The following TBKBP1 variants were observed in gnomAD, a reference collection of about 807,000 sequenced individuals.
TBKBP1 encodes TANK-binding kinase 1-binding protein 1.
Under a neutral mutation model 69.9 loss-of-function variants are expected in TBKBP1, and 47 were observed. The observed-to-expected ratio is 0.67, with a 90% confidence interval of 0.53 to 0.86. TBKBP1 has a LOEUF of 0.86. TBKBP1 is among the 40% of genes least tolerant of loss of function. The pLI, the probability that TBKBP1 is intolerant of heterozygous loss-of-function variation, is 0.00. For synonymous variants in TBKBP1, 418 were observed against 390.3 expected (o/e 1.07, Z -0.84); for missense variants, 831 against 858.6 (o/e 0.97, Z 0.40).
chr17:47,706,666 T>C (rs2031706295), intron 7 of TBKBP1, among the ~76,000 whole-genome samples: 1 of 152,108 alleles, frequency 6.6e-6, no homozygotes, highest in African/African-American at 2.4e-5. Context: ...GGGTTAAAAA[T>C]AGTCTTGTGG....
chr17:47,709,384 A>C lies in TBKBP1; in HGVS notation c.1651A>C (p.Ile551Leu). ...CGCCTCCTTCTGCGCGGGCTTCCCC[A>C]TCCCCGAGTCGCCCGCCGCCACCGC... ...RCASFCAGFP[I>L]PESPAATAYA... Residue 551 changes from isoleucine (I) to leucine (L), a missense_variant, in exon 9 of 10, where the codon ATC (isoleucine) becomes CTC (leucine). Ile to Leu is a conservative substitution (Grantham distance 5). Transcript: ENST00000578982. 1 of 1,530,870 alleles carries C rather than the reference A, an allele frequency of 6.5e-7. No homozygotes were observed. Among genetic ancestry groups the C allele is most frequent in the Non-Finnish European group, 8.7e-7 (1 of 1,146,176 alleles). The allele number at this position is 1,530,870 out of a possible 1,614,324, so 94.8% of individuals were successfully genotyped here. A position where few individuals can be genotyped will look rare whatever the true frequency, so the allele number is the denominator to read the frequency against.
chr17:47,699,580 AC>A, intron 6 of TBKBP1, 55 bp from the exon 7 acceptor site: 1 of 1,613,772 alleles, frequency 6.2e-7, no homozygotes, highest in Non-Finnish European at 8.5e-7. Flanking sequence ...GGAACTGTAG[AC>A]AAGGGCCCTG....
chr17:47,699,450 GCGGC>G lies in TBKBP1; in HGVS notation c.766_769del (p.Arg256CysfsTer5). On this transcript the variant is annotated frameshift_variant, in exon 6 of 10. Coordinates refer to ENST00000578982, the MANE Select transcript of TBKBP1 (RefSeq NM_001394755.1). LOFTEE classifies it high-confidence loss of function. ...AGGAGCAGCTCCAGGCCGAGTGCGA[GCGGC>G]TGCAGGGGGAGCTGAAGCAGCTGCA... The G allele has an allele frequency of 1.3e-6, 2 of 1,571,588 alleles. No homozygotes were observed. Among genetic ancestry groups the G allele is most frequent in the Non-Finnish European group, 1.7e-6 (2 of 1,160,086 alleles).
chr17:47,704,266 G>A (rs1045151849), intron 7 of TBKBP1, among the ~76,000 whole-genome samples: 4 of 152,224 alleles, frequency 2.6e-5, no homozygotes, highest in African/African-American at 9.6e-5. Flanking sequence ...GCCAGGCTCT[G>A]GGGACCCCAC....
Position 47,710,697 on chromosome 17 carries a change from G to A in TBKBP1, c.*71G>A. 2.6e-6 allele frequency: 4 copies of A among 1,544,288 alleles called. No homozygotes were observed. The South Asian group carries it at 4.7e-5, about 18-fold the overall frequency. On this transcript the variant is annotated 3_prime_UTR_variant, in exon 10 of 10. Coordinates refer to ENST00000578982, the MANE Select transcript of TBKBP1 (RefSeq NM_001394755.1). ...CCCCCAAACACTCACTTTGAATGCT[G>A]CATGAATCTCGTGGGGGGTCCCTGC...
intron 9 of TBKBP1, 35 bp downstream of exon 9, chr17:47,709,487 C>T: frequency 6.8e-7 from 1 of 1,468,870 alleles, no homozygotes; most frequent in South Asian, 1.3e-5. Flanking sequence ...CCACCCCGGA[C>T]CGGGCCTTGA....
At chr17:47,707,255 G>A (rs971167451) in intron 7 of TBKBP1, among the ~76,000 whole-genome samples, 10 of 152,218 alleles carry the variant, frequency 6.6e-5, no homozygotes, top group Non-Finnish European at 1.5e-4. Flanking sequence ...TCCTGGGGCC[G>A]TGCAGGCCAC....
intron 7 of TBKBP1, among the ~76,000 whole-genome samples, chr17:47,703,755 T>G (rs1352437241): frequency 4.6e-5 from 7 of 152,060 alleles, no homozygotes; most frequent in African/African-American, 1.2e-4. Flanking sequence ...TTTTTTTTTT[T>G]GTCCATGCCA....
intron 3 of TBKBP1, 44 bp from the exon 4 acceptor site, chr17:47,697,043 CAG>C: frequency 6.4e-7 from 1 of 1,571,968 alleles, no homozygotes; most frequent in Non-Finnish European, 8.6e-7. Flanking sequence ...ACTCCAAGTC[CAG>C]TGTGGGACTG....
rs1194951705 is a variant in TBKBP1, at chr17:47,709,038, C to T, written c.1305C>T (p.Gly435=). 3 of 1,271,944 alleles carry T rather than the reference C, an allele frequency of 2.4e-6. No homozygotes were observed. Among genetic ancestry groups the T allele is most frequent in the South Asian group, 2.0e-5 (1 of 49,030 alleles). 78.8% of individuals were successfully genotyped at this position (1,271,944 alleles called of 1,614,324 possible). ...GGCCACCGCCGCCGCCCCCGCCGGGCGAGAGGACGCTGGCCGAGCGCGCCT... is the reference window on the plus strand; with the variant it reads ...GGCCACCGCCGCCGCCCCCGCCGGGTGAGAGGACGCTGGCCGAGCGCGCCT... ...QPRPPPPPPP[G]ERTLAERAYA... The change falls in exon 9 of 10, where the codon GGC becomes GGT. Residue 435 remains glycine, a synonymous_variant. Transcript: ENST00000578982.
At chr17:47,703,822 G>A (rs1227855470) in intron 7 of TBKBP1, among the ~76,000 whole-genome samples, 2 of 151,690 alleles carry the variant, frequency 1.3e-5, no homozygotes, top group African/African-American at 2.4e-5. Flanking sequence ...CAAACGTGAT[G>A]TAGGTATTGT....
chr17:47,708,488 T>A lies in TBKBP1; in HGVS notation c.967T>A (p.Leu323Met), dbSNP rs1449115556. 6.2e-7 allele frequency: 1 copy of A among 1,613,722 alleles called. No individual in the cohort carries two copies. Among genetic ancestry groups the A allele is most frequent in the Admixed American group, 1.7e-5 (1 of 59,990 alleles). Reference sequence around the variant, plus strand: ...ACAGGGGAGAATCTTGAGGACTCTGTTGCAGGAACAGGCCCGGAGTGGCGG... The same window carrying A: ...ACAGGGGAGAATCTTGAGGACTCTGATGCAGGAACAGGCCCGGAGTGGCGG... ...SLQGRILRTL[L>M]QEQARSGGQR... is the part of the protein sequence containing the mutation. Residue 323 changes from leucine to methionine, a missense_variant, in exon 8 of 10, where the codon TTG becomes ATG. By Grantham distance (15) the Leu-to-Met change is conservative (BLOSUM62 2). Transcript: ENST00000578982. This position sits in a 1 kb window ranked among gnomAD's most constrained non-coding sequence, Gnocchi z 4.4.
chr17:47,698,818 C>G, intron 5 of TBKBP1, 43 bp downstream of exon 5: 1 of 1,477,502 alleles, frequency 6.8e-7, no homozygotes, highest in South Asian at 1.4e-5. Context: ...GTCCCCAACC[C>G]CCATTTCAAC....
chr17:47,696,430 T>C, intron 2 of TBKBP1, 93 bp downstream of exon 2: 1 of 1,420,632 alleles, frequency 7.0e-7, no homozygotes, highest in South Asian at 1.3e-5. Context: ...AAAAGAGGGG[T>C]CACTGTGCAG....
Position 47,698,544 on chromosome 17 carries a change from A to T in TBKBP1, c.454-51A>T, listed in dbSNP as rs1265830715. 2.7e-6 allele frequency: 4 copies of T among 1,505,716 alleles called. No homozygotes were observed. The East Asian group carries it at 9.9e-5, about 37-fold the overall frequency. 93.3% of individuals were successfully genotyped at this position (1,505,716 alleles called of 1,614,324 possible). On this transcript the variant is annotated intron_variant, in intron 4 of 9. Transcript: ENST00000578982. ...AGTCTGGGGTGATGACTCTCCAGAC[A>T]TGGGGAAGTCCTGGGCCTGTGCAGA...
At chr17:47,698,258 G>A (rs2031330310) in intron 4 of TBKBP1, among the ~76,000 whole-genome samples, 1 of 152,170 alleles carries the variant, frequency 6.6e-6, no homozygotes, top group Admixed American at 6.5e-5. Flanking sequence ...CCATTTTATG[G>A]ATCAGGTGGG....
chr17:47,704,980 T>A (rs945212261), intron 7 of TBKBP1, among the ~76,000 whole-genome samples: 1 of 152,228 alleles, frequency 6.6e-6, no homozygotes, highest in African/African-American at 2.4e-5. Flanking sequence ...TTGAATCTGC[T>A]GTGTGCCACT....
At chr17:47,710,436 T>G in intron 9 of TBKBP1, 62 bp from the exon 10 acceptor site, 3 of 1,571,824 alleles carry the variant, frequency 1.9e-6, no homozygotes, top group Non-Finnish European at 2.6e-6. Context: ...CAGGGCAGGC[T>G]GGGATGTGGG....
At chr17:47,697,993 A>C (rs2031319419) in intron 4 of TBKBP1, among the ~76,000 whole-genome samples, 1 of 149,988 alleles carries the variant, frequency 6.7e-6, no homozygotes, top group Admixed American at 6.6e-5. Flanking sequence ...ACATGGTCTC[A>C]GCCAACCCTA....
Sources: gnomAD v4.1 joint callset for allele counts (sites outside exome capture counted in the v4.1 genomes callset) on GRCh38, gnomAD v4.1.1 for gene constraint, Gnocchi (gnomAD v3.1) non-coding constraint, MANE v1.5 for transcripts, NCBI Gene and HGNC (gene_info 2026-07-23, HGNC 2026-07-21) for gene names.